Variants in PRKG1 observed in about 807,000 individuals in gnomAD.
The protein encoded by PRKG1 is cGMP-dependent protein kinase 1.
Under a neutral mutation model 88.1 loss-of-function variants are expected in PRKG1, and 35 were observed. The ratio of observed to expected loss-of-function variants is 0.40; its 90% CI spans 0.30 to 0.53. The LOEUF is 0.53. Ranked by LOEUF, PRKG1 falls within the 20% of genes least tolerant of loss-of-function variation. PRKG1 has a pLI of 0.59. For missense variants in PRKG1, 540 were observed against 839.8 expected, an observed-to-expected ratio of 0.64 and a Z score of 4.41; for synonymous variants, 303 against 292.5, an observed-to-expected ratio of 1.04 and a Z score of -0.37.
At chr10:51,576,196 TG>T (rs1837880837) in intron 3 of PRKG1, among the ~76,000 whole-genome samples, 2 of 151,964 alleles carry the variant, frequency 1.3e-5, no homozygotes, top group South Asian at 4.1e-4. Flanking sequence ...TACAGAATTG[TG>T]ATTCTCAACC....
At chr10:51,670,440 A>T (rs1407233537) in intron 3 of PRKG1, among the ~76,000 whole-genome samples, 1 of 151,068 alleles carries the variant, frequency 6.6e-6, no homozygotes, top group Non-Finnish European at 1.5e-5. Flanking sequence ...GTTAACATTT[A>T]AAAATGCAAG....
intron 5 of PRKG1, among the ~76,000 whole-genome samples, chr10:51,974,852 A>G (rs1277024920): frequency 6.6e-6 from 1 of 152,134 alleles, no homozygotes. Flanking sequence ...TTGAGGTTGT[A>G]AACTGTCATT....
upstream of PRKG1, among the ~76,000 whole-genome samples, chr10:51,071,359 C>T (rs1843824186): frequency 6.6e-6 from 1 of 152,036 alleles, no homozygotes. Context: ...AGGCTAGAAT[C>T]CTGGATTTTG....
chr10:51,966,060 A>G (rs923223780), intron 5 of PRKG1, among the ~76,000 whole-genome samples: 4 of 147,190 alleles, frequency 2.7e-5, no homozygotes, highest in African/African-American at 1.1e-4. Flanking sequence ...TTAGTACTCA[A>G]ATAATCAATG....
At chr10:52,241,246 G>A (rs1840852073) in intron 9 of PRKG1, among the ~76,000 whole-genome samples, 1 of 152,118 alleles carries the variant, frequency 6.6e-6, no homozygotes, top group Non-Finnish European at 1.5e-5. Context: ...AAGAGCTTTA[G>A]GAGCCTAGGA....
chr10:51,147,770 A>G (rs1435746867), intron 1 of PRKG1, among the ~76,000 whole-genome samples: 1 of 152,204 alleles, frequency 6.6e-6, no homozygotes, highest in Non-Finnish European at 1.5e-5. Flanking sequence ...TTTGGCAAAC[A>G]GTTTTAATTT....
intron 7 of PRKG1, among the ~76,000 whole-genome samples, chr10:52,092,398 T>G (rs1308273678): frequency 6.6e-6 from 1 of 152,160 alleles, no homozygotes; most frequent in Non-Finnish European, 1.5e-5. Context: ...AAATAGACTT[T>G]TGTGTGTGTA....
At chr10:51,074,324 G>T (rs1589133456), upstream of PRKG1, 2 of 669,478 alleles carry the variant, frequency 3.0e-6, no homozygotes, top group African/African-American at 1.8e-5. Context: ...CGCGTCTCAG[G>T]TTTAATCCCG....
intron 6 of PRKG1, among the ~76,000 whole-genome samples, chr10:52,056,923 G>A (rs1168306097): frequency 1.3e-5 from 2 of 152,066 alleles, no homozygotes; most frequent in Non-Finnish European, 2.9e-5. Flanking sequence ...ATGGCAAAGA[G>A]CAGGAAAGAG....
chr10:51,177,788 T>G (rs1837235216), intron 2 of PRKG1, among the ~76,000 whole-genome samples: 1 of 152,012 alleles, frequency 6.6e-6, no homozygotes, highest in Non-Finnish European at 1.5e-5. Context: ...TGTATTAAAT[T>G]TAACCTAATT....
chr10:51,743,893 T>C (rs1223796752), intron 3 of PRKG1, among the ~76,000 whole-genome samples: 1 of 150,898 alleles, frequency 6.6e-6, no homozygotes, highest in Non-Finnish European at 1.5e-5. Flanking sequence ...TTCGGCTGAA[T>C]ACAAATTGAA....
At chr10:51,269,022 A>T (rs1046521143) in intron 2 of PRKG1, among the ~76,000 whole-genome samples, 1 of 152,138 alleles carries the variant, frequency 6.6e-6, no homozygotes, top group South Asian at 2.1e-4. Context: ...CAAAGAAATC[A>T]GCAAGGAAAA....
chr10:51,763,117 A>G (rs975834067), intron 3 of PRKG1, among the ~76,000 whole-genome samples: 15 of 152,360 alleles, frequency 9.8e-5, no homozygotes, highest in African/African-American at 3.6e-4. Context: ...CTGTAAGTCA[A>G]TCAAAATTGA....
intron 2 of PRKG1, among the ~76,000 whole-genome samples, chr10:51,277,347 C>G (rs565370349): frequency 2.0e-5 from 3 of 152,266 alleles, no homozygotes; most frequent in South Asian, 4.1e-4. Context: ...CAGTACCATG[C>G]TGTTTTGGTT....
At chr10:52,224,811 A>G (rs1247834692) in intron 9 of PRKG1, among the ~76,000 whole-genome samples, 1 of 8,916 alleles carries the variant, frequency 1.1e-4, no homozygotes, top group Non-Finnish European at 3.3e-4. Context: ...ATTCCATCAT[A>G]TATATATATA....
At chr10:52,076,322 C>T (rs1451074319) in intron 7 of PRKG1, among the ~76,000 whole-genome samples, 7 of 152,198 alleles carry the variant, frequency 4.6e-5, no homozygotes, top group African/African-American at 9.7e-5. Flanking sequence ...TTTGGAAGGC[C>T]GAGGCAGGCC....
intron 1 of PRKG1, among the ~76,000 whole-genome samples, chr10:51,034,663 G>GTTTTT (rs1239537811): frequency 1.6e-4 from 2 of 12,398 alleles, no homozygotes; most frequent in African/African-American, 2.5e-4. Context: ...TATATAATAT[G>GTTTTT]TTATTTATAT....
chr10:51,423,020 C>T (rs1417758462), intron 2 of PRKG1, among the ~76,000 whole-genome samples: 9 of 151,380 alleles, frequency 5.9e-5, no homozygotes, highest in South Asian at 4.2e-4. Flanking sequence ...ACCAATGTAC[C>T]GGTTCCTTAC....
intron 3 of PRKG1, among the ~76,000 whole-genome samples, chr10:51,598,747 T>C (rs1178055742): frequency 6.6e-6 from 1 of 152,212 alleles, no homozygotes; most frequent in Non-Finnish European, 1.5e-5. Flanking sequence ...TAAACAAAGA[T>C]TGATTGAGAA....
Sources: gnomAD v4.1 joint callset for allele counts (sites outside exome capture counted in the v4.1 genomes callset) on GRCh38, gnomAD v4.1.1 for gene constraint, MANE v1.5 for transcripts, NCBI Gene and HGNC (gene_info 2026-07-23, HGNC 2026-07-21) for gene names.